The following DLGAP1 variants were observed in gnomAD, a reference collection of about 807,000 sequenced individuals.
The protein encoded by DLGAP1 is DLG associated protein 1.
Under a neutral mutation model 90.8 loss-of-function variants are expected in DLGAP1, and 11 were observed. That is an observed-to-expected ratio of 0.12 (90% CI 0.08 to 0.20). The LOEUF is 0.20. Among genes scored for constraint, DLGAP1 ranks in the 10% least tolerant of loss-of-function variants. The pLI is 1.00. For missense variants in DLGAP1, 1,050 were observed against 1,333.8 expected, an observed-to-expected ratio of 0.79 and a Z score of 3.31; for synonymous variants, 558 against 540.7, an observed-to-expected ratio of 1.03 and a Z score of -0.44.
chr18:4,268,787 G>A (rs2079188954), intron 1 of DLGAP1, among the ~76,000 whole-genome samples: 1 of 151,932 alleles, frequency 6.6e-6, no homozygotes, highest in African/African-American at 2.4e-5. Context: ...TCTGCTTCTT[G>A]CTTGAAAACA....
intron 3 of DLGAP1, among the ~76,000 whole-genome samples, chr18:3,991,560 TCTTC>T (rs1218126900): frequency 6.6e-6 from 1 of 152,220 alleles, no homozygotes; most frequent in African/African-American, 2.4e-5. Flanking sequence ...GAGTGGGGTC[TCTTC>T]TGGAGGCTGA....
chr18:3,744,435 G>A (rs918765624), intron 5 of DLGAP1, among the ~76,000 whole-genome samples: 1 of 151,920 alleles, frequency 6.6e-6, no homozygotes, highest in Non-Finnish European at 1.5e-5. Context: ...TTTATGGAAG[G>A]CACTAAGTAA....
chr18:4,409,856 C>T (rs371597687), intron 1 of DLGAP1, among the ~76,000 whole-genome samples: 7 of 152,010 alleles, frequency 4.6e-5, no homozygotes, highest in African/African-American at 1.5e-4. Flanking sequence ...TACTTGCACA[C>T]GCAAGTTTGT....
chr18:3,614,155 G>A (rs1163897498), intron 7 of DLGAP1, among the ~76,000 whole-genome samples: 1 of 151,578 alleles, frequency 6.6e-6, no homozygotes, highest in Non-Finnish European at 1.5e-5. Context: ...CCTGAGCTCA[G>A]GCAATCCGCC....
At chr18:4,196,677 G>A (rs1305577485) in intron 1 of DLGAP1, among the ~76,000 whole-genome samples, 1 of 152,162 alleles carries the variant, frequency 6.6e-6, no homozygotes, top group African/African-American at 2.4e-5. Flanking sequence ...TACTTTGTGC[G>A]GTGCATAGAT....
At position 3,497,752 on chromosome 18, in the gene DLGAP1, A is replaced by G. The variant is rs2049742292; in HGVS notation, c.*1433T>C. On this transcript the variant is annotated 3_prime_UTR_variant, in exon 13 of 13. Transcript: ENST00000315677. ...GGCATTTAAAGACAACTTCAGCTAG[A>G]CACCGATGCATACTGCCCATCAATC... The G allele has an allele frequency of 6.6e-6, 1 of 152,240 alleles. No homozygotes were observed. The highest frequency in any genetic ancestry group is 1.5e-5 in the Non-Finnish European group (1 of 68,044). The allele number at this position is 152,240 out of a possible 1,614,324, so 9.4% of individuals were successfully genotyped here.
chr18:4,202,207 C>T (rs185719517), intron 1 of DLGAP1, among the ~76,000 whole-genome samples: 1 of 152,022 alleles, frequency 6.6e-6, no homozygotes, highest in East Asian at 1.9e-4. Flanking sequence ...TTTGCAGGAA[C>T]TTGGATAAAA....
At chr18:3,870,081 T>C (rs953748279) in intron 4 of DLGAP1, among the ~76,000 whole-genome samples, 13 of 152,156 alleles carry the variant, frequency 8.5e-5, no homozygotes, top group African/African-American at 3.1e-4. Flanking sequence ...GTAAATACAA[T>C]GAGAAATTAA....
chr18:4,065,709 A>T (rs1228901679), intron 2 of DLGAP1, among the ~76,000 whole-genome samples: 1 of 152,158 alleles, frequency 6.6e-6, no homozygotes, highest in Non-Finnish European at 1.5e-5. Context: ...ATGCTCATGG[A>T]TAGGAAAAAT....
At chr18:3,631,045 A>G (rs1353271253) in intron 7 of DLGAP1, among the ~76,000 whole-genome samples, 1 of 151,850 alleles carries the variant, frequency 6.6e-6, no homozygotes, top group African/African-American at 2.4e-5. Flanking sequence ...CAGTGGTGCA[A>G]TTTCGGCTCA....
chr18:4,089,362 A>C (rs896055620), intron 2 of DLGAP1, among the ~76,000 whole-genome samples: 4 of 152,232 alleles, frequency 2.6e-5, no homozygotes, highest in South Asian at 2.1e-4. Flanking sequence ...AATATTGTGA[A>C]AATGGCCATA....
chr18:3,978,122 G>A (rs541131327), intron 3 of DLGAP1: 13 of 447,968 alleles, frequency 2.9e-5, no homozygotes, highest in African/African-American at 2.0e-4. Context: ...GTCCTTCCAC[G>A]ATTCCAAAGT....
rs149255531 is a variant in DLGAP1 at position 3,554,873 on chromosome 18, C to G, written c.2057+12617G>C. Among the ~76,000 whole-genome samples, 21 of 152,246 alleles carry G rather than the reference C, an allele frequency of 1.4e-4. No homozygotes were observed. The East Asian group carries it at 2.9e-3, about 21-fold the overall frequency. The stretch of plus-strand genomic sequence containing the variant: ...TGAGTCCCTTGGCCTCTTACAAGGT[C>G]TTTTAATCATTTCTTTGCACTATCT... On this transcript the variant is annotated intron_variant, in intron 9 of 12. Transcript: ENST00000315677.
chr18:3,768,048 A>G (rs1359708494), intron 5 of DLGAP1, among the ~76,000 whole-genome samples: 1 of 152,114 alleles, frequency 6.6e-6, no homozygotes, highest in Non-Finnish European at 1.5e-5. Context: ...GATTGCCTAC[A>G]AAGGAAATCT....
chr18:4,356,368 T>C (rs1035837251), intron 1 of DLGAP1, among the ~76,000 whole-genome samples: 1 of 152,128 alleles, frequency 6.6e-6, no homozygotes, highest in Admixed American at 6.6e-5. Flanking sequence ...ACTGCAAATC[T>C]CTACATAGAT....
intron 1 of DLGAP1, among the ~76,000 whole-genome samples, chr18:4,210,462 TTA>T: frequency 6.6e-6 from 1 of 152,186 alleles, no homozygotes; most frequent in Non-Finnish European, 1.5e-5. Context: ...GACTCAAGAG[TTA>T]TCATTAATGC....
In DLGAP1 at chr18:3,572,436, A is replaced by ATTTGTTTGTTTGTTTG. The variant is rs146464414; in HGVS notation, c.1966-4871_1966-4856dup. The stretch of plus-strand genomic sequence containing the variant: ...TTAGATTGGTTTCTTTTATTTATTT[A>ATTTGTTTGTTTGTTTG]TTTGTTTGTTTGTTTGTTTGTTTGT... On this transcript the variant is annotated intron_variant, in intron 8 of 12. Transcript: ENST00000315677. Among the ~76,000 whole-genome samples the ATTTGTTTGTTTGTTTG allele has an allele frequency of 2.9e-4, 44 of 149,634 alleles. No homozygotes were observed. In the East Asian group the frequency reaches 6.8e-3, roughly 23 times the overall value.
intron 1 of DLGAP1, among the ~76,000 whole-genome samples, chr18:4,277,054 A>C (rs1293842433): frequency 1.3e-5 from 2 of 152,234 alleles, no homozygotes; most frequent in African/African-American, 4.8e-5. Flanking sequence ...GATTTTTAAA[A>C]AGAAGAAAAA....
chr18:3,595,096 C>T (rs777527171), intron 7 of DLGAP1, among the ~76,000 whole-genome samples: 3 of 152,204 alleles, frequency 2.0e-5, no homozygotes, highest in Non-Finnish European at 4.4e-5. Context: ...TTGGGAACTG[C>T]TTTCTGCAGC....
Sources: gnomAD v4.1 joint callset for allele counts (sites outside exome capture counted in the v4.1 genomes callset) on GRCh38, gnomAD v4.1.1 for gene constraint, MANE v1.5 for transcripts, NCBI Gene and HGNC (gene_info 2026-07-23, HGNC 2026-07-21) for gene names.